NBAS: variants seen among roughly 807,000 people sequenced by gnomAD.
The protein encoded by NBAS is NAG/BC035112 fusion.
A neutral mutation model predicts 302.5 loss-of-function variants in NBAS; 219 were observed. The observed-to-expected ratio is 0.72, with a 90% confidence interval of 0.65 to 0.81. NBAS has a LOEUF of 0.81. NBAS is among the 30% of genes least tolerant of loss of function. The pLI, the probability that NBAS is intolerant of heterozygous loss-of-function variation, is 0.00. For missense variants in NBAS, 2,932 were observed against 2,841.6 expected (o/e 1.03, Z -0.72); for synonymous variants, 1,118 against 1,021.6 (o/e 1.09, Z -1.80).
chr2:15,391,027 T>A (rs1675566657), intron 28 of NBAS, among the ~76,000 whole-genome samples: 1 of 152,006 alleles, frequency 6.6e-6, no homozygotes, highest in Admixed American at 6.6e-5. Context: ...GGAGAATCAC[T>A]TGAACCCTGG....
At chr2:15,326,037 C>T (rs1313854381) in intron 38 of NBAS, among the ~76,000 whole-genome samples, 1 of 152,180 alleles carries the variant, frequency 6.6e-6, no homozygotes, top group Non-Finnish European at 1.5e-5. Flanking sequence ...AGTCAAAACA[C>T]ACACAACATT....
chr2:14,841,597 A>T, the NBAS span, among the ~76,000 whole-genome samples: 6 of 152,046 alleles, frequency 3.9e-5, no homozygotes, highest in African/African-American at 1.4e-4. Flanking sequence ...AGGTCATTAT[A>T]TGATGATAAA....
rs1680091656 is a variant in NBAS, at chr2:15,474,291, A to G, written c.1375T>C (p.Leu459=). 2 of 1,613,698 alleles carry G rather than the reference A, an allele frequency of 1.2e-6. No individual in the cohort carries two copies. The highest frequency in any genetic ancestry group is 1.1e-5 in the South Asian group (1 of 91,010). ...EIKLAPKRSR[L]ETRAGEEDEG... is the part of the protein sequence containing the mutation. ...TCTTCTTCTCCAGCTCTAGTCTCCA[A>G]ACGAGATCGTTTGGGGGCAAGTTTA... Residue 459 remains leucine (L), a synonymous_variant, in exon 15 of 52, where the codon TTG becomes CTG. Transcript: ENST00000281513.
At chr2:14,874,375 C>G in the NBAS span, among the ~76,000 whole-genome samples, 3 of 151,554 alleles carry the variant, frequency 2.0e-5, no homozygotes, top group Admixed American at 6.6e-5. Flanking sequence ...GCCTGTAATC[C>G]CAGCACTTTG....
chr2:15,243,159 CAG>C (rs1474583389), intron 44 of NBAS, among the ~76,000 whole-genome samples: 1 of 152,220 alleles, frequency 6.6e-6, no homozygotes, highest in Non-Finnish European at 1.5e-5. Context: ...CCCAGTGTGA[CAG>C]AGATAGTGGT....
chr2:15,219,422 T>C (rs1572470576), intron 47 of NBAS, among the ~76,000 whole-genome samples: 1 of 144,928 alleles, frequency 6.9e-6, no homozygotes, highest in East Asian at 2.0e-4. Flanking sequence ...GGTCAGCAGA[T>C]AAACAAGTGA....
the NBAS span, among the ~76,000 whole-genome samples, chr2:15,104,906 T>C: frequency 6.6e-6 from 1 of 152,160 alleles, no homozygotes; most frequent in Non-Finnish European, 1.5e-5. Context: ...GGTTGCTTTT[T>C]CTTGTAAATT....
the NBAS span, among the ~76,000 whole-genome samples, chr2:15,005,499 T>G: frequency 6.6e-6 from 1 of 152,210 alleles, no homozygotes; most frequent in South Asian, 2.1e-4. Context: ...AAAGGTTAAG[T>G]GACTGCCCCA....
chr2:15,173,599 G>A (rs1237524945), intron 51 of NBAS, among the ~76,000 whole-genome samples: 1 of 152,162 alleles, frequency 6.6e-6, no homozygotes, highest in East Asian at 1.9e-4. Flanking sequence ...ACTTGAATAT[G>A]ATATGCAGTT....
At chr2:15,025,725 A>C in the NBAS span, among the ~76,000 whole-genome samples, 31 of 152,032 alleles carry the variant, frequency 2.0e-4, no homozygotes, top group African/African-American at 7.5e-4. Context: ...TTTTGTGACA[A>C]TTCTGAAAGA....
At chr2:14,945,243 A>G in the NBAS span, among the ~76,000 whole-genome samples, 2 of 152,246 alleles carry the variant, frequency 1.3e-5, no homozygotes, top group African/African-American at 2.4e-5. Context: ...ACCCGGACTT[A>G]TGGTGCCACC....
At chr2:14,978,831 C>G in the NBAS span, among the ~76,000 whole-genome samples, 1 of 152,184 alleles carries the variant, frequency 6.6e-6, no homozygotes, top group Non-Finnish European at 1.5e-5. Flanking sequence ...CATCTCCCTT[C>G]TCCCTTTTTC....
chr2:15,275,425 G>T (rs960164384), intron 44 of NBAS, 59 bp downstream of exon 44: 3 of 1,495,424 alleles, frequency 2.0e-6, no homozygotes, highest in Middle Eastern at 1.7e-4. Context: ...ACAGAATGTA[G>T]GAGAAATTTT....
chr2:15,307,242 G>A (rs1671072418), intron 40 of NBAS, among the ~76,000 whole-genome samples: 1 of 152,168 alleles, frequency 6.6e-6, no homozygotes, highest in Non-Finnish European at 1.5e-5. Flanking sequence ...ATCTAAAACG[G>A]GCTTTCCTAT....
At chr2:15,507,302 T>C (rs1661906167) in intron 10 of NBAS, among the ~76,000 whole-genome samples, 1 of 135,564 alleles carries the variant, frequency 7.4e-6, no homozygotes, top group Non-Finnish European at 1.6e-5. Context: ...TACAGAAGTA[T>C]TCCTTCTGAT....
At position 15,461,298 on chromosome 2, in the gene NBAS, GGTAA is replaced by G; in HGVS notation, c.2238_2241del (p.Tyr747MetfsTer39). The G allele has an allele frequency of 6.2e-7, 1 of 1,613,016 alleles. No homozygotes were observed. The highest frequency in any genetic ancestry group is 8.5e-7 in the Non-Finnish European group (1 of 1,179,128). ...CGATGAGGAAGCAGGTCGGAACCAT[GGTAA>G]GTAAACAGAATTTCCAGGGCTTGTA... On this transcript the variant is annotated frameshift_variant, in exon 21 of 52. Coordinates refer to ENST00000281513, the MANE Select transcript of NBAS (RefSeq NM_015909.4). LOFTEE classifies it high-confidence loss of function.
intron 12 of NBAS, among the ~76,000 whole-genome samples, chr2:15,483,936 T>TTTGTC: frequency 6.6e-6 from 1 of 152,320 alleles, no homozygotes; most frequent in Admixed American, 6.5e-5. Flanking sequence ...AACTAATCGG[T>TTTGTC]TTGTCTACTT....
At chr2:15,433,452 G>C (rs1366683872) in intron 21 of NBAS, among the ~76,000 whole-genome samples, 2 of 152,254 alleles carry the variant, frequency 1.3e-5, no homozygotes, top group Admixed American at 1.3e-4. Context: ...AGATATATAT[G>C]ACTCTGGTTG....
At chr2:15,525,262 G>A (rs992597096) in intron 9 of NBAS, among the ~76,000 whole-genome samples, 1 of 152,186 alleles carries the variant, frequency 6.6e-6, no homozygotes, top group Non-Finnish European at 1.5e-5. Context: ...AACGCCTGCT[G>A]TTAAACTCTC....
Sources: allele counts gnomAD v4.1 joint callset (sites outside exome capture counted in the v4.1 genomes callset), GRCh38; gene constraint gnomAD v4.1.1; transcripts MANE v1.5; gene names NCBI Gene and HGNC (gene_info 2026-07-23, HGNC 2026-07-21).